CCDC50: variants seen among roughly 807,000 people sequenced by gnomAD.
CCDC50 encodes the protein coiled-coil domain containing 50.
A neutral mutation model predicts 70.2 loss-of-function variants in CCDC50; 54 were observed. That is an observed-to-expected ratio of 0.77 (90% CI 0.62 to 0.96). The LOEUF (loss-of-function observed/expected upper bound fraction) is 0.96, where lower values mean the gene tolerates loss of function less well. CCDC50 is among the 50% of genes least tolerant of loss of function. The pLI, the probability that CCDC50 is intolerant of heterozygous loss-of-function variation, is 0.00. For synonymous variants in CCDC50, 216 were observed against 198.8 expected, an observed-to-expected ratio of 1.09 and a Z score of -0.73; for missense variants, 558 against 578.7, an observed-to-expected ratio of 0.96 and a Z score of 0.37.
chr3:191,332,022 A>G (rs986419128), intron 1 of CCDC50, among the ~76,000 whole-genome samples: 1 of 152,182 alleles, frequency 6.6e-6, no homozygotes, highest in Admixed American at 6.5e-5. Flanking sequence ...TGCAGTTACA[A>G]TTTATATTCA....
chr3:191,366,736 T>C (rs1291192923), intron 4 of CCDC50, among the ~76,000 whole-genome samples: 3 of 152,056 alleles, frequency 2.0e-5, no homozygotes, highest in Non-Finnish European at 4.4e-5. Context: ...TTATATATGC[T>C]GCATGCTTTC....
chr3:191,341,433 A>G (rs1711729344), intron 1 of CCDC50, among the ~76,000 whole-genome samples: 1 of 152,218 alleles, frequency 6.6e-6, no homozygotes, highest in African/African-American at 2.4e-5. Flanking sequence ...GCCTGGAAGT[A>G]AGCAATATTT....
chr3:191,391,061 A>G (rs1199313426), intron 11 of CCDC50, among the ~76,000 whole-genome samples: 1 of 152,262 alleles, frequency 6.6e-6, no homozygotes, highest in Admixed American at 6.5e-5. Context: ...TGTCAGGATC[A>G]TAAAAGATTA....
chr3:191,369,917 A>G lies in CCDC50; in HGVS notation c.331-2A>G, dbSNP rs1264949109. 6.2e-7 allele frequency: 1 copy of G among 1,603,744 alleles called. No individual in the cohort carries two copies. Among genetic ancestry groups the G allele is most frequent in the Non-Finnish European group, 8.5e-7 (1 of 1,170,996 alleles). On this transcript the variant is annotated splice_acceptor_variant, in intron 4 of 11. Coordinates refer to ENST00000392455, the MANE Select transcript of CCDC50 (RefSeq NM_178335.3). LOFTEE classifies it high-confidence loss of function. ...ATTTCCATTCTCCTCTTGTCTTTGC[A>G]GGACATAGCTCGCCTTTTGCAAGAA...
chr3:191,387,814 C>T (rs563822094), intron 10 of CCDC50, among the ~76,000 whole-genome samples: 3 of 152,232 alleles, frequency 2.0e-5, no homozygotes, highest in African/African-American at 4.8e-5. Context: ...TTCCACTCAA[C>T]GTCTGTCTTT....
intron 1 of CCDC50, among the ~76,000 whole-genome samples, chr3:191,347,557 A>G (rs1291665121): frequency 7.0e-6 from 1 of 142,372 alleles, no homozygotes; most frequent in Non-Finnish European, 1.6e-5. Context: ...TCATTTAACT[A>G]TGCGATCTTG....
At chr3:191,390,600 A>C (rs28502671) in intron 11 of CCDC50, among the ~76,000 whole-genome samples, 29,135 of 152,088 alleles carry the variant, frequency 0.19, 3,232 homozygotes, top group Non-Finnish European at 0.24. Context: ...TTCCCATGGC[A>C]TCTGTAACCT....
chr3:191,383,451 C>T (rs914732775), intron 10 of CCDC50, among the ~76,000 whole-genome samples: 3 of 150,106 alleles, frequency 2.0e-5, no homozygotes, highest in African/African-American at 7.4e-5. Context: ...TGTTGCCTTT[C>T]GAAAGAAAAC....
In CCDC50 at chr3:191,391,266, A is replaced by G. The variant is rs533134112; in HGVS notation, c.1430-475A>G. ...ATTTAAAAATACCATCGCAAAAATG[A>G]CACTCTAGACTACTTCAATCAGAAT... On this transcript the variant is annotated intron_variant, in intron 11 of 11. Transcript: ENST00000392455. Among the ~76,000 whole-genome samples the G allele has an allele frequency of 2.0e-5, 3 of 152,318 alleles. No homozygotes were observed. The South Asian group carries it at 6.2e-4, about 32-fold the overall frequency.
At chr3:191,379,901 C>T (rs999766242) in intron 6 of CCDC50, among the ~76,000 whole-genome samples, 1 of 151,968 alleles carries the variant, frequency 6.6e-6, no homozygotes, top group African/African-American at 2.4e-5. Flanking sequence ...TCTGCTGTTG[C>T]AGAAACTATG....
At chr3:191,345,045 A>T (rs2108638882) in intron 1 of CCDC50, among the ~76,000 whole-genome samples, 1 of 152,320 alleles carries the variant, frequency 6.6e-6, no homozygotes, top group Non-Finnish European at 1.5e-5. Context: ...CCAGGAATCA[A>T]TTTGATGGGC....
chr3:191,329,875 A>G, intron 1 of CCDC50, 152 bp downstream of exon 1: 1 of 529,136 alleles, frequency 1.9e-6, no homozygotes, highest in Non-Finnish European at 2.9e-6. Context: ...AATTGAATTC[A>G]GGTTCTAGTG....
In CCDC50 at chr3:191,382,853, A is replaced by T. The variant is rs9838011; in HGVS notation, c.1322+28A>T. The T allele has an allele frequency of 0.098, 149,928 of 1,534,566 alleles. 12,242 individuals are homozygous for T. Among genetic ancestry groups the T allele is most frequent in the African/African-American group, 0.41 (29,748 of 72,760 alleles). On this transcript the variant is annotated intron_variant, in intron 10 of 11. Coordinates refer to ENST00000392455, the MANE Select transcript of CCDC50 (RefSeq NM_178335.3). ...AAGCTGACACCTGAAAAGAAAAATG[A>T]GGAAGTTGACTTTGGGGTGAATAAG...
chr3:191,370,097 A>G, intron 5 of CCDC50, 61 bp downstream of exon 5: 1 of 1,210,310 alleles, frequency 8.3e-7, no homozygotes, highest in Non-Finnish European at 1.2e-6. Flanking sequence ...ACACTCCTTT[A>G]ATTTTGTTCA....
chr3:191,329,799 C>G (rs1210199582), intron 1 of CCDC50, 76 bp downstream of exon 1: 1 of 1,494,462 alleles, frequency 6.7e-7, no homozygotes, highest in African/African-American at 1.4e-5. Flanking sequence ...AGGGGCGTTG[C>G]CATTTCGGCT....
intron 1 of CCDC50, 61 bp from the exon 2 acceptor site, chr3:191,357,027 C>G: frequency 9.4e-7 from 1 of 1,060,448 alleles, no homozygotes; most frequent in Non-Finnish European, 1.5e-6. Context: ...AAATCCTTTC[C>G]TTTGTATGTT....
chr3:191,389,753 C>T (rs1713617705), intron 11 of CCDC50, 151 bp downstream of exon 11: 1 of 654,800 alleles, frequency 1.5e-6, no homozygotes, highest in South Asian at 1.8e-5. Flanking sequence ...TTTATTAAAA[C>T]AGTAACAAAA....
chr3:191,393,263 A>G lies in CCDC50; in HGVS notation c.*1503A>G, dbSNP rs1713757980. 2 of 152,056 alleles carry G rather than the reference A, an allele frequency of 1.3e-5. No individual in the cohort carries two copies. The highest frequency in any genetic ancestry group is 3.9e-4 in the East Asian group (2 of 5,180). 9.4% of individuals were successfully genotyped at this position (152,056 alleles called of 1,614,324 possible). ...CTCCCCCCCATGTACACATATATAT[A>G]TCCCTTCAGCTTGACTTGCTATTAT... On this transcript the variant is annotated 3_prime_UTR_variant, in exon 12 of 12. Coordinates refer to ENST00000392455, the MANE Select transcript of CCDC50 (RefSeq NM_178335.3).
chr3:191,363,724 A>T (rs1247460330), intron 4 of CCDC50, among the ~76,000 whole-genome samples: 2 of 152,192 alleles, frequency 1.3e-5, no homozygotes, highest in Non-Finnish European at 2.9e-5. Flanking sequence ...AGAGTGGAAA[A>T]GTTAAATGAG....
Sources: allele counts gnomAD v4.1 joint callset (sites outside exome capture counted in the v4.1 genomes callset), GRCh38; gene constraint gnomAD v4.1.1; transcripts MANE v1.5; gene names NCBI Gene and HGNC (gene_info 2026-07-23, HGNC 2026-07-21).